Variants in AGAP1 observed in about 807,000 individuals in gnomAD.
AGAP1 encodes arf-GAP with GTPase, ANK repeat and PH domain-containing protein 1.
A neutral mutation model predicts 105.3 loss-of-function variants in AGAP1; 29 were observed. That is an observed-to-expected ratio of 0.28 (90% CI 0.21 to 0.38). The LOEUF is 0.38. AGAP1 is among the 10% of genes least tolerant of loss of function. The pLI is 1.00. For synonymous variants in AGAP1, 509 were observed against 485.9 expected, an observed-to-expected ratio of 1.05 and a Z score of -0.63; for missense variants, 998 against 1,165.1, an observed-to-expected ratio of 0.86 and a Z score of 2.09.
chr2:235,997,287 C>T (rs1446537965), intron 13 of AGAP1, among the ~76,000 whole-genome samples: 1 of 152,174 alleles, frequency 6.6e-6, no homozygotes, highest in Non-Finnish European at 1.5e-5. Context: ...TGGGGTTTCT[C>T]CATGTTGGTC....
chr2:235,649,091 C>T (rs1290868988), intron 1 of AGAP1, among the ~76,000 whole-genome samples: 2 of 152,144 alleles, frequency 1.3e-5, no homozygotes, highest in African/African-American at 4.8e-5. Context: ...TTATTTAAAA[C>T]CCCAGAACAT....
At chr2:236,031,249 A>G (rs538505478) in intron 13 of AGAP1, among the ~76,000 whole-genome samples, 1 of 152,336 alleles carries the variant, frequency 6.6e-6, no homozygotes, top group Non-Finnish European at 1.5e-5. Context: ...AACATTAACT[A>G]AACTTGAAGT....
At chr2:235,897,959 G>A (rs1322480581) in intron 10 of AGAP1, among the ~76,000 whole-genome samples, 1 of 152,140 alleles carries the variant, frequency 6.6e-6, no homozygotes, top group Non-Finnish European at 1.5e-5. Flanking sequence ...TGCGATTTAT[G>A]TTCATTAAGT....
intron 16 of AGAP1, among the ~76,000 whole-genome samples, chr2:236,118,261 C>A (rs1455167524): frequency 6.6e-6 from 1 of 152,102 alleles, no homozygotes; most frequent in Non-Finnish European, 1.5e-5. Context: ...TAACTGTGTA[C>A]TCTGATTATT....
rs1042955098 is a variant in AGAP1, at chr2:235,830,264, G to A, written c.1050+22933G>A. 5.9e-5 allele frequency among the ~76,000 whole-genome samples: 9 copies of A among 152,180 alleles called. No homozygotes were observed. The highest frequency in any genetic ancestry group is 1.2e-4 in the Non-Finnish European group (8 of 68,036). ...CTACAGTCACCGTTTGAGTGCCCGT[G>A]GAGGATTGGTTTACTTAGTAAATTC... On this transcript the variant is annotated intron_variant, in intron 9 of 17. Transcript: ENST00000304032. The surrounding 1 kb of genome is among the most constrained non-coding windows in gnomAD (Gnocchi z 5.5).
rs991664161 is a variant in AGAP1, at chr2:235,951,933, C to T, written c.1484-16529C>T. Among the ~76,000 whole-genome samples, 13 of 152,112 alleles carry T rather than the reference C, an allele frequency of 8.5e-5. No individual in the cohort carries two copies. The highest frequency in any genetic ancestry group is 4.4e-5 in the Non-Finnish European group (3 of 68,016). ...GGTCCACCCTGATCTACTCATTTAC[C>T]ATCTGGTTTGGGGAACCTTCTGTCA... On this transcript the variant is annotated intron_variant, in intron 12 of 17. Transcript: ENST00000304032. This position sits in a 1 kb window ranked among gnomAD's most constrained non-coding sequence, Gnocchi z 4.2.
chr2:235,803,137 T>G (rs981099656), intron 8 of AGAP1, among the ~76,000 whole-genome samples: 1 of 151,240 alleles, frequency 6.6e-6, no homozygotes, highest in Non-Finnish European at 1.5e-5. Context: ...GTTGTGGTGA[T>G]GGTGATGGTC....
At chr2:235,738,960 T>TA (rs1191929837) in intron 3 of AGAP1, among the ~76,000 whole-genome samples, 1 of 152,208 alleles carries the variant, frequency 6.6e-6, no homozygotes, top group Non-Finnish European at 1.5e-5. Flanking sequence ...AGGGAAATAA[T>TA]ACTACTATCA....
Position 235,934,080 on chromosome 2 carries a change from C to T in AGAP1, c.1483+3157C>T, listed in dbSNP as rs954052468. 3.3e-5 allele frequency among the ~76,000 whole-genome samples: 5 copies of T among 152,170 alleles called. No individual in the cohort carries two copies. Among genetic ancestry groups the T allele is most frequent in the African/African-American group, 1.2e-4 (5 of 41,442 alleles). The stretch of plus-strand genomic sequence containing the variant: ...ACTCAGGTGGCCCGATTCAGCTCTC[C>T]ATCACTGCATGTCAAGGTGTGCCTC... On this transcript the variant is annotated intron_variant, in intron 12 of 17. Coordinates refer to ENST00000304032, the MANE Select transcript of AGAP1 (RefSeq NM_001037131.3). The surrounding 1 kb of genome is among the most constrained non-coding windows in gnomAD (Gnocchi z 4.9).
chr2:235,999,843 C>T (rs193300082), intron 13 of AGAP1, among the ~76,000 whole-genome samples: 83 of 152,098 alleles, frequency 5.5e-4, no homozygotes, highest in African/African-American at 2.0e-3. Context: ...TGAGATGTGT[C>T]AAGCGGGGCA....
In AGAP1 at chr2:235,744,285, T is replaced by C. The variant is rs894645519; in HGVS notation, c.397-413T>C. On this transcript the variant is annotated intron_variant, in intron 4 of 17. Transcript: ENST00000304032. The surrounding 1 kb of genome is among the most constrained non-coding windows in gnomAD (Gnocchi z 5.2). ...GCATGAGGGGTCCAGCAAGGCTTCC[T>C]TAAGAGGTTGAGAGTACAGTGGAAA... Among the ~76,000 whole-genome samples the C allele has an allele frequency of 1.3e-5, 2 of 152,112 alleles. No homozygotes were observed. Among genetic ancestry groups the C allele is most frequent in the African/African-American group, 4.8e-5 (2 of 41,424 alleles).
At position 235,701,687 on chromosome 2, in the gene AGAP1, A is replaced by G. The variant is rs773739164; in HGVS notation, c.164-7492A>G. On this transcript the variant is annotated intron_variant, in intron 1 of 17. Coordinates refer to ENST00000304032, the MANE Select transcript of AGAP1 (RefSeq NM_001037131.3). This position sits in a 1 kb window ranked among gnomAD's most constrained non-coding sequence, Gnocchi z 4.1. The stretch of plus-strand genomic sequence containing the variant: ...GAAACTGTGCTGGTGAACTTCTGCT[A>G]AGTCCTACATTTGAAAGTCATCAGC... Among the ~76,000 whole-genome samples, 1 of 152,216 alleles carries G rather than the reference A, an allele frequency of 6.6e-6. No homozygotes were observed. Among genetic ancestry groups the G allele is most frequent in the Non-Finnish European group, 1.5e-5 (1 of 68,038 alleles).
At position 235,740,056 on chromosome 2, in the gene AGAP1, A is replaced by G. The variant is rs1952487908; in HGVS notation, c.311-907A>G. 6.6e-6 allele frequency among the ~76,000 whole-genome samples: 1 copy of G among 152,114 alleles called. No homozygotes were observed. The highest frequency in any genetic ancestry group is 1.5e-5 in the Non-Finnish European group (1 of 68,002). Reference sequence around the variant, plus strand: ...TTTAAAACAAGAGTTTCGAATCCCCATGAGGGTTCCCTAGCGTGGTCTCAG... The same window carrying G: ...TTTAAAACAAGAGTTTCGAATCCCCGTGAGGGTTCCCTAGCGTGGTCTCAG... On this transcript the variant is annotated intron_variant, in intron 3 of 17. Transcript: ENST00000304032. This position sits in a 1 kb window ranked among gnomAD's most constrained non-coding sequence, Gnocchi z 5.7.
At chr2:235,670,597 C>A in intron 1 of AGAP1, 1 of 563,252 alleles carries the variant, frequency 1.8e-6, no homozygotes, top group East Asian at 3.5e-5. Context: ...CGCCGCAAGG[C>A]CGGACACTGG....
At chr2:235,860,257 C>T (rs1220682801) in intron 9 of AGAP1, among the ~76,000 whole-genome samples, 1 of 152,006 alleles carries the variant, frequency 6.6e-6, no homozygotes, top group East Asian at 1.9e-4. Context: ...GCACTCAAGG[C>T]AAAAAGGAAG....
At chr2:235,910,393 G>T (rs2051545666) in intron 11 of AGAP1, among the ~76,000 whole-genome samples, 1 of 96,890 alleles carries the variant, frequency 1.0e-5, no homozygotes, top group Admixed American at 1.2e-4. Flanking sequence ...TGCTAAAGGA[G>T]TCTTTAGTGC....
intron 9 of AGAP1, among the ~76,000 whole-genome samples, chr2:235,871,833 A>G (rs1011107778): frequency 6.6e-6 from 1 of 152,100 alleles, no homozygotes; most frequent in African/African-American, 2.4e-5. Flanking sequence ...TGTTATTCCC[A>G]CTGATGCTGT....
At chr2:235,928,676 G>T (rs964483011) in intron 11 of AGAP1, among the ~76,000 whole-genome samples, 6 of 152,214 alleles carry the variant, frequency 3.9e-5, no homozygotes, top group African/African-American at 9.6e-5. Context: ...CGAGATGGGA[G>T]TATCTCCTCT....
chr2:235,743,103 G>A (rs1035390071), intron 4 of AGAP1, among the ~76,000 whole-genome samples: 1 of 152,232 alleles, frequency 6.6e-6, no homozygotes, highest in African/African-American at 2.4e-5. Context: ...GAAGGAGGTG[G>A]TTGCAGTGAG....
Sources: allele counts gnomAD v4.1 joint callset (sites outside exome capture counted in the v4.1 genomes callset), GRCh38; gene constraint gnomAD v4.1.1; non-coding constraint Gnocchi (gnomAD v3.1); transcripts MANE v1.5; gene names NCBI Gene and HGNC (gene_info 2026-07-23, HGNC 2026-07-21).